SAMD13: variants seen among roughly 807,000 people sequenced by gnomAD.
The protein encoded by SAMD13 is sterile alpha motif domain containing 13.
In SAMD13, 9 loss-of-function variants were observed where a neutral mutation model predicts 12.4. The ratio of observed to expected loss-of-function variants is 0.72; its 90% CI spans 0.44 to 1.26. SAMD13 has a LOEUF of 1.26. SAMD13 is among the 50% of genes most tolerant of loss of function. The probability of loss-of-function intolerance (pLI) is 0.00; values close to 1 mark genes in which losing one functional copy is unlikely to be tolerated. For missense variants in SAMD13, 84 were observed against 119.6 expected (o/e 0.70, Z 1.39); for synonymous variants, 46 against 45.4 (o/e 1.01, Z -0.05).
chr1:84,318,444 TTTCA>T (rs1678879265), intron 2 of SAMD13, among the ~76,000 whole-genome samples: 1 of 152,162 alleles, frequency 6.6e-6, no homozygotes, highest in Non-Finnish European at 1.5e-5. Context: ...TGATTTCTAG[TTTCA>T]TTCAATCAAA....
In SAMD13 at chr1:84,325,104, C is replaced by G. The variant is rs373982889; in HGVS notation, c.54-533C>G. Among the ~76,000 whole-genome samples the G allele has an allele frequency of 3.3e-5, 5 of 152,266 alleles. No individual in the cohort carries two copies. In the East Asian group the frequency reaches 7.7e-4, roughly 23 times the overall value. On this transcript the variant is annotated intron_variant, in intron 2 of 3. Transcript: ENST00000394834. ...TTCTAGAAGTCAAAGGAGGTTATGA[C>G]TAAAACACACCCTTGGAAGAGCCAG...
chr1:84,309,381 T>C (rs2101790795), intron 2 of SAMD13, among the ~76,000 whole-genome samples: 1 of 152,318 alleles, frequency 6.6e-6, no homozygotes, highest in Non-Finnish European at 1.5e-5. Flanking sequence ...GAGACACATA[T>C]GTCAGGTCTT....
rs557910800 is a variant in SAMD13 at position 84,348,747 on chromosome 1, T to C, written c.166-884T>C. ...TCTCTCCAGAATACCTGGAGTGCAG[T>C]GTACCTGACTCTGTGCCTAAGGGTG... On this transcript the variant is annotated intron_variant, in intron 3 of 3. Coordinates refer to ENST00000394834, the MANE Select transcript of SAMD13 (RefSeq NM_001134663.2). 3.9e-5 allele frequency among the ~76,000 whole-genome samples: 6 copies of C among 152,262 alleles called. No individual in the cohort carries two copies. In the East Asian group the frequency reaches 9.6e-4, roughly 24 times the overall value.
intron 3 of SAMD13, among the ~76,000 whole-genome samples, chr1:84,331,093 T>A (rs1346251596): frequency 2.6e-5 from 4 of 152,072 alleles, no homozygotes; most frequent in Admixed American, 2.6e-4. Flanking sequence ...GTCACTGGCT[T>A]AATAAAAAAT....
intron 3 of SAMD13, among the ~76,000 whole-genome samples, chr1:84,343,098 G>GA (rs917111113): frequency 6.6e-6 from 1 of 152,010 alleles, no homozygotes; most frequent in Non-Finnish European, 1.5e-5. Flanking sequence ...CAAGAAACAT[G>GA]AAAAAAACTC....
intron 3 of SAMD13, among the ~76,000 whole-genome samples, chr1:84,339,480 T>C (rs1283596774): frequency 6.6e-6 from 1 of 152,190 alleles, no homozygotes; most frequent in East Asian, 1.9e-4. Flanking sequence ...CTGGGCTGCA[T>C]GCTGTAACTC....
chr1:84,330,387 A>G (rs1184247987), intron 3 of SAMD13, among the ~76,000 whole-genome samples: 1 of 152,228 alleles, frequency 6.6e-6, no homozygotes, highest in Non-Finnish European at 1.5e-5. Flanking sequence ...GCACTTGTCC[A>G]TGGGTATGGC....
At chr1:84,302,762 G>A (rs923690998) in intron 1 of SAMD13, 34 of 842,122 alleles carry the variant, frequency 4.0e-5, no homozygotes, top group Non-Finnish European at 4.9e-5. Flanking sequence ...AGGAGCAAGG[G>A]GGAGTGGACA....
intron 2 of SAMD13, among the ~76,000 whole-genome samples, chr1:84,310,115 A>T (rs924608299): frequency 6.6e-6 from 1 of 152,168 alleles, no homozygotes; most frequent in African/African-American, 2.4e-5. Context: ...TCTAGTGGTC[A>T]TATTTAAATA....
intron 2 of SAMD13, among the ~76,000 whole-genome samples, chr1:84,316,533 C>A (rs1678836938): frequency 6.6e-6 from 1 of 152,028 alleles, no homozygotes; most frequent in South Asian, 2.1e-4. Flanking sequence ...GACCACATAT[C>A]CATGGATGTA....
At chr1:84,339,816 A>G (rs973421298) in intron 3 of SAMD13, among the ~76,000 whole-genome samples, 2 of 152,174 alleles carry the variant, frequency 1.3e-5, no homozygotes, top group African/African-American at 4.8e-5. Flanking sequence ...CTAAGAGAGG[A>G]GACATCCAGA....
chr1:84,349,643 A>G lies in SAMD13; in HGVS notation c.178A>G (p.Lys60Glu). Residue 60 changes from lysine (K) to glutamate (E), a missense_variant, in exon 4 of 4, where the codon AAA becomes GAA. By Grantham distance (56) the Lys-to-Glu change is moderately conservative (BLOSUM62 1). Coordinates refer to ENST00000394834, the MANE Select transcript of SAMD13 (RefSeq NM_001134663.2). ...GCTTCCATTATAGGAAATTGATGGA[A>G]AATCCCTGCTATTGATGACAAGAAA... is the stretch of plus-strand genomic sequence containing the variant. ...SAFQEQEIDG[K>E]SLLLMTRNDV... is the part of the protein sequence containing the mutation. The G allele has an allele frequency of 6.2e-7, 1 of 1,613,398 alleles. No individual in the cohort carries two copies. The highest frequency in any genetic ancestry group is 8.5e-7 in the Non-Finnish European group (1 of 1,179,586).
intron 2 of SAMD13, among the ~76,000 whole-genome samples, chr1:84,322,452 G>A (rs1448940406): frequency 6.6e-6 from 1 of 152,148 alleles, no homozygotes; most frequent in African/African-American, 2.4e-5. Context: ...GTGGGAGGCT[G>A]ATACTGAGTA....
intron 2 of SAMD13, among the ~76,000 whole-genome samples, chr1:84,319,741 A>T (rs1678903176): frequency 6.6e-6 from 1 of 152,230 alleles, no homozygotes; most frequent in Non-Finnish European, 1.5e-5. Flanking sequence ...CTTTGTTTTC[A>T]GAAAGATGGG....
upstream of SAMD13, among the ~76,000 whole-genome samples, chr1:84,298,915 GC>G (rs373089180): frequency 5.5e-3 from 844 of 152,184 alleles, 10 homozygotes; most frequent in African/African-American, 0.019. Context: ...TCCCCGGGGA[GC>G]CCCCACACTA....
chr1:84,349,988 C>T lies in SAMD13; in HGVS notation c.*214C>T, dbSNP rs1679614536. The T allele has an allele frequency of 9.6e-7, 1 of 1,044,158 alleles. No homozygotes were observed. The highest frequency in any genetic ancestry group is 1.2e-6 in the Non-Finnish European group (1 of 811,590). 64.7% of individuals were successfully genotyped at this position (1,044,158 alleles called of 1,614,324 possible). On this transcript the variant is annotated 3_prime_UTR_variant, in exon 4 of 4. Transcript: ENST00000394834. ...ACAAGATGCGCACAGGGTGGTTTTCCTCATGGATTTTGTCAAATAGATGAT... is the reference window on the plus strand; with the variant it reads ...ACAAGATGCGCACAGGGTGGTTTTCTTCATGGATTTTGTCAAATAGATGAT...
intron 3 of SAMD13, among the ~76,000 whole-genome samples, chr1:84,334,972 G>A (rs764895335): frequency 3.3e-5 from 5 of 151,912 alleles, no homozygotes; most frequent in Non-Finnish European, 7.4e-5. Flanking sequence ...CTAATTGTGT[G>A]GTCGATTTTA....
intron 3 of SAMD13, 113 bp from the exon 4 acceptor site, chr1:84,349,518 G>A (rs1570269260): frequency 6.7e-7 from 1 of 1,491,372 alleles, no homozygotes; most frequent in South Asian, 1.5e-5. Context: ...CAAATGTAAT[G>A]TTTTTAGCTT....
chr1:84,312,412 A>G (rs1379634260), intron 2 of SAMD13, among the ~76,000 whole-genome samples: 1 of 151,416 alleles, frequency 6.6e-6, no homozygotes, highest in Admixed American at 6.6e-5. Flanking sequence ...AAATTTTTCT[A>G]TGCTTATTTT....
Sources: allele counts gnomAD v4.1 joint callset (sites outside exome capture counted in the v4.1 genomes callset), GRCh38; gene constraint gnomAD v4.1.1; transcripts MANE v1.5; gene names NCBI Gene and HGNC (gene_info 2026-07-23, HGNC 2026-07-21).